The following ZNF679 variants were observed in gnomAD, a reference collection of about 807,000 sequenced individuals.
ZNF679 encodes hypothetical protein MGC42415.
A neutral mutation model predicts 13.4 loss-of-function variants in ZNF679; 10 were observed. The ratio of observed to expected loss-of-function variants is 0.75; its 90% confidence interval spans 0.46 to 1.27. The LOEUF (loss-of-function observed/expected upper bound fraction) is 1.27, where lower values mean the gene tolerates loss of function less well. Among genes scored for constraint, ZNF679 ranks in the 50% most tolerant of loss-of-function variants. The probability of loss-of-function intolerance (pLI) is 0.00; values close to 1 mark genes in which losing one functional copy is unlikely to be tolerated. For missense variants in ZNF679, 525 were observed against 477.8 expected, an observed-to-expected ratio of 1.10 and a Z score of -0.92; for synonymous variants, 179 against 162.5, an observed-to-expected ratio of 1.10 and a Z score of -0.77.
chr7:64,242,513 G>A (rs1180509005), intron 1 of ZNF679, among the ~76,000 whole-genome samples: 3 of 152,058 alleles, frequency 2.0e-5, no homozygotes, highest in East Asian at 1.9e-4. Context: ...CCTATAATCT[G>A]GTTACAAAAA....
chr7:64,250,763 AT>A (rs1384667930), intron 2 of ZNF679, among the ~76,000 whole-genome samples: 4 of 151,332 alleles, frequency 2.6e-5, no homozygotes, highest in Non-Finnish European at 5.9e-5. Context: ...TAATTTTTGT[AT>A]TTTTAGTAGA....
rs1554373012 is a variant in ZNF679, at chr7:64,260,299, T to G, written c.118T>G (p.Leu40Val). 6.2e-7 allele frequency: 1 copy of G among 1,613,086 alleles called. No homozygotes were observed. The highest frequency in any genetic ancestry group is 8.5e-7 in the Non-Finnish European group (1 of 1,179,582). ...ATGCCTGGATCACGCTCAGCAGAATTTATATAGAGATGTGATGTTAGAGAA... is the reference window on the plus strand; with the variant it reads ...ATGCCTGGATCACGCTCAGCAGAATGTATATAGAGATGTGATGTTAGAGAA... ...WQCLDHAQQNLYRDVMLENYR... is the reference protein window; with the variant it reads ...WQCLDHAQQNVYRDVMLENYR... Residue 40 changes from leucine to valine, a missense_variant, in exon 3 of 5, where the codon TTA becomes GTA. Physicochemically the swap from Leu to Val is conservative, Grantham distance 32. Transcript: ENST00000421025.
At chr7:64,252,333 A>G (rs1017685511) in intron 2 of ZNF679, among the ~76,000 whole-genome samples, 3 of 152,330 alleles carry the variant, frequency 2.0e-5, no homozygotes, top group Admixed American at 6.5e-5. Flanking sequence ...ATTGCATTTT[A>G]TCAGTAGAGC....
At chr7:64,259,553 C>T (rs1788047533) in intron 2 of ZNF679, among the ~76,000 whole-genome samples, 1 of 152,132 alleles carries the variant, frequency 6.6e-6, no homozygotes, top group African/African-American at 2.4e-5. Flanking sequence ...TAAAGAAAGG[C>T]TACTTAATGT....
intron 4 of ZNF679, 139 bp downstream of exon 4, chr7:64,261,068 T>C: frequency 1.1e-6 from 1 of 890,154 alleles, no homozygotes; most frequent in South Asian, 1.8e-5. Flanking sequence ...TTTTTTTTCT[T>C]TTGCTCTCAG....
At chr7:64,250,566 A>G (rs1031074578) in intron 2 of ZNF679, among the ~76,000 whole-genome samples, 1 of 151,678 alleles carries the variant, frequency 6.6e-6, no homozygotes, top group Admixed American at 6.6e-5. Context: ...TATTGCAGGC[A>G]GCCTGCATTT....
chr7:64,235,426 T>C (rs1407539931), intron 1 of ZNF679, among the ~76,000 whole-genome samples: 1 of 149,004 alleles, frequency 6.7e-6, no homozygotes, highest in Non-Finnish European at 1.5e-5. Flanking sequence ...AGATGTCAAA[T>C]AAAAAACATA....
chr7:64,256,044 A>AT (rs1300404083), intron 2 of ZNF679, among the ~76,000 whole-genome samples: 1 of 151,774 alleles, frequency 6.6e-6, no homozygotes. Flanking sequence ...TACCCAATAG[A>AT]TTTTTTTTCT....
intron 2 of ZNF679, among the ~76,000 whole-genome samples, chr7:64,255,016 AAG>A (rs1202589972): frequency 0.13 from 18,563 of 142,366 alleles, 1,615 homozygotes; most frequent in Non-Finnish European, 0.2. Context: ...AAAAAAAAAA[AAG>A]AAAAAAAATT....
rs776075817 is a variant in ZNF679, at chr7:64,266,199, A to G, written c.566A>G (p.Tyr189Cys). The G allele has an allele frequency of 6.9e-6, 11 of 1,584,338 alleles. No individual in the cohort carries two copies. The highest frequency in any genetic ancestry group is 8.6e-6 in the Non-Finnish European group (10 of 1,163,582). The change falls in exon 5 of 5, where the codon TAT becomes TGT. Residue 189 changes from tyrosine to cysteine, a missense_variant. Physicochemically the swap from Tyr to Cys is radical, Grantham distance 194 (BLOSUM62 -2). Transcript: ENST00000421025. ...TGKKHFKCKK[Y>C]GKSFCMVSQL... is the part of the protein sequence containing the mutation. ...AAGAAACATTTCAAATGTAAAAAAT[A>G]TGGCAAATCATTTTGCATGGTTTCA...
At chr7:64,241,506 G>A (rs1489213241) in intron 1 of ZNF679, among the ~76,000 whole-genome samples, 1 of 152,348 alleles carries the variant, frequency 6.6e-6, no homozygotes, top group East Asian at 1.9e-4. Context: ...CAGGGCCAAG[G>A]CAGTACAGTT....
chr7:64,261,627 C>G (rs1338213933), intron 4 of ZNF679, among the ~76,000 whole-genome samples: 1 of 151,898 alleles, frequency 6.6e-6, no homozygotes, highest in Non-Finnish European at 1.5e-5. Flanking sequence ...CATCTTTTTT[C>G]TCATCAACAA....
At chr7:64,255,666 T>C (rs1039299302) in intron 2 of ZNF679, among the ~76,000 whole-genome samples, 34 of 151,926 alleles carry the variant, frequency 2.2e-4, no homozygotes, top group African/African-American at 8.2e-4. Flanking sequence ...TGGAGTACAG[T>C]GGCATGATCT....
Position 64,249,117 on chromosome 7 carries a change from T to C in ZNF679, c.-1T>C, listed in dbSNP as rs757775142. On this transcript the variant is annotated 5_prime_UTR_variant, in exon 2 of 5. Transcript: ENST00000421025. ...TGTGTTCTGCAGGTATCCGCAGATT[T>C]ATGGCTAAAAGACCGGGATCCCCTG... 9.3e-6 allele frequency: 15 copies of C among 1,614,158 alleles called. No individual in the cohort carries two copies. In the Middle Eastern group the frequency reaches 5.0e-4, roughly 53 times the overall value.
chr7:64,240,972 T>TAG (rs1787790731), intron 1 of ZNF679, among the ~76,000 whole-genome samples: 1 of 152,128 alleles, frequency 6.6e-6, no homozygotes, highest in Non-Finnish European at 1.5e-5. Flanking sequence ...CATCTGTCGA[T>TAG]TGGATTAATG....
intron 2 of ZNF679, among the ~76,000 whole-genome samples, chr7:64,256,248 GT>G (rs1788003717): frequency 1.3e-5 from 2 of 152,120 alleles, no homozygotes; most frequent in South Asian, 4.1e-4. Flanking sequence ...AGGACATGAT[GT>G]TTTCCTTTCT....
At chr7:64,236,946 A>AAAG (rs773840801) in intron 1 of ZNF679, among the ~76,000 whole-genome samples, 78 of 38,074 alleles carry the variant, frequency 2.0e-3, no homozygotes, top group East Asian at 6.5e-3. Flanking sequence ...AGAAAGAAAG[A>AAAG]AAGAAAGAAA....
chr7:64,244,687 C>T (rs548947050), intron 1 of ZNF679, among the ~76,000 whole-genome samples: 3 of 152,306 alleles, frequency 2.0e-5, no homozygotes, highest in African/African-American at 7.2e-5. Flanking sequence ...TATCAAATCA[C>T]AAATGACTCA....
intron 2 of ZNF679, among the ~76,000 whole-genome samples, chr7:64,259,046 G>A (rs1788041841): frequency 6.6e-6 from 1 of 151,894 alleles, no homozygotes; most frequent in Non-Finnish European, 1.5e-5. Flanking sequence ...CTAGTATCTG[G>A]GATTACAGGT....
Sources: allele counts gnomAD v4.1 joint callset (sites outside exome capture counted in the v4.1 genomes callset), GRCh38; gene constraint gnomAD v4.1.1; transcripts MANE v1.5; gene names NCBI Gene and HGNC (gene_info 2026-07-23, HGNC 2026-07-21).